The following BICC1 variants were observed in gnomAD, a reference collection of about 807,000 sequenced individuals.
The protein encoded by BICC1 is BicC family RNA binding protein 1, also known as protein bicaudal C homolog 1.
BICC1 carries 43 observed loss-of-function variants against 111.0 expected under a neutral mutation model. The ratio of observed to expected loss-of-function variants is 0.39; its 90% CI spans 0.30 to 0.50. BICC1 has a LOEUF of 0.50. Ranked by LOEUF, BICC1 falls within the 20% of genes least tolerant of loss-of-function variation. BICC1 has a pLI of 0.88. For synonymous variants in BICC1, 467 were observed against 434.4 expected, an observed-to-expected ratio of 1.07 and a Z score of -0.93; for missense variants, 1,091 against 1,203.2, an observed-to-expected ratio of 0.91 and a Z score of 1.38.
At chr10:58,638,502 A>G (rs545948313) in intron 2 of BICC1, among the ~76,000 whole-genome samples, 3 of 152,172 alleles carry the variant, frequency 2.0e-5, no homozygotes, top group South Asian at 4.2e-4. Flanking sequence ...CCTTTCCCCA[A>G]CGCCTCTCCC....
intron 2 of BICC1, among the ~76,000 whole-genome samples, chr10:58,632,505 A>ATT (rs1224920221): frequency 1.4e-5 from 2 of 146,732 alleles, no homozygotes; most frequent in African/African-American, 5.0e-5. Context: ...GGAGGGAGTG[A>ATT]TTTTTTTTTT....
At chr10:58,797,860 A>G (rs948176235) in intron 10 of BICC1, among the ~76,000 whole-genome samples, 28 of 152,170 alleles carry the variant, frequency 1.8e-4, no homozygotes, top group African/African-American at 6.8e-4. Flanking sequence ...GGAAATTTTC[A>G]TCATTGAGAT....
intron 3 of BICC1, among the ~76,000 whole-genome samples, chr10:58,716,685 A>G (rs1447555463): frequency 1.3e-5 from 2 of 151,894 alleles, no homozygotes; most frequent in Non-Finnish European, 2.9e-5. Context: ...GAGGGATTAC[A>G]TTAATATTTC....
intron 2 of BICC1, among the ~76,000 whole-genome samples, chr10:58,694,198 C>A (rs1413221202): frequency 6.6e-6 from 1 of 152,150 alleles, no homozygotes; most frequent in Admixed American, 6.6e-5. Flanking sequence ...TTCCTTGCTG[C>A]ACTTTCACCT....
intron 3 of BICC1, among the ~76,000 whole-genome samples, chr10:58,780,985 G>C (rs990467594): frequency 6.6e-6 from 1 of 151,960 alleles, no homozygotes; most frequent in African/African-American, 2.4e-5. Flanking sequence ...TTAAAAAGGG[G>C]CATTTTTTTC....
At chr10:58,653,057 T>G (rs542646613) in intron 2 of BICC1, among the ~76,000 whole-genome samples, 14 of 152,272 alleles carry the variant, frequency 9.2e-5, no homozygotes, top group African/African-American at 3.4e-4. Flanking sequence ...AACAAATTAG[T>G]ACAAAGTTAT....
chr10:58,535,545 A>G (rs958868388), intron 1 of BICC1, among the ~76,000 whole-genome samples: 2 of 151,756 alleles, frequency 1.3e-5, no homozygotes, highest in African/African-American at 2.4e-5. Flanking sequence ...GAATTTGTCA[A>G]TACTAGACCA....
chr10:58,688,870 G>C (rs1393665979), intron 2 of BICC1, among the ~76,000 whole-genome samples: 1 of 152,016 alleles, frequency 6.6e-6, no homozygotes, highest in African/African-American at 2.4e-5. Context: ...CACACACTGG[G>C]GCCTGTTGGG....
chr10:58,713,430 C>A (rs1216711683), intron 3 of BICC1, among the ~76,000 whole-genome samples: 1 of 152,108 alleles, frequency 6.6e-6, no homozygotes, highest in Non-Finnish European at 1.5e-5. Context: ...TAATAGATGC[C>A]TGTTGTAATC....
At chr10:58,570,120 C>T (rs770950300) in intron 1 of BICC1, among the ~76,000 whole-genome samples, 5 of 152,242 alleles carry the variant, frequency 3.3e-5, no homozygotes, top group African/African-American at 4.8e-5. Context: ...GATAAAACTT[C>T]GGGAACTATA....
chr10:58,662,931 T>C (rs1440613994), intron 2 of BICC1, among the ~76,000 whole-genome samples: 1 of 152,204 alleles, frequency 6.6e-6, no homozygotes, highest in African/African-American at 2.4e-5. Flanking sequence ...AATTCTTTTT[T>C]ATCCAGTGTC....
chr10:58,546,626 T>G (rs1649065), intron 1 of BICC1, among the ~76,000 whole-genome samples: 69,841 of 151,872 alleles, frequency 0.46, 17,121 homozygotes, highest in Admixed American at 0.62. Flanking sequence ...AGCTCTGGGA[T>G]CCTCTGTAGT....
intron 3 of BICC1, among the ~76,000 whole-genome samples, chr10:58,759,747 C>T (rs888563984): frequency 1.3e-5 from 2 of 151,966 alleles, no homozygotes; most frequent in African/African-American, 2.4e-5. Context: ...ATCACGAGGT[C>T]AGGAGATCGA....
chr10:58,828,676 C>G, intron 20 of BICC1, 85 bp from the exon 21 acceptor site: 3 of 1,421,982 alleles, frequency 2.1e-6, no homozygotes, highest in Non-Finnish European at 2.8e-6. Context: ...TACCACGTCA[C>G]CATTTTCTGA....
chr10:58,639,414 T>TG (rs1838051119), intron 2 of BICC1, among the ~76,000 whole-genome samples: 2 of 150,860 alleles, frequency 1.3e-5, no homozygotes, highest in Non-Finnish European at 3.0e-5. Context: ...TTTTTTTTTT[T>TG]GAGACAGAGT....
intron 17 of BICC1, among the ~76,000 whole-genome samples, chr10:58,812,608 G>T (rs1843947347): frequency 6.6e-6 from 1 of 151,638 alleles, no homozygotes; most frequent in South Asian, 2.1e-4. Flanking sequence ...CTCCTAAGTA[G>T]CTGGGATTAC....
intron 1 of BICC1, among the ~76,000 whole-genome samples, chr10:58,544,145 G>T (rs1023498792): frequency 2.6e-5 from 4 of 152,140 alleles, no homozygotes; most frequent in African/African-American, 9.7e-5. Context: ...CCTGAGTCCT[G>T]TGGTAACTGG....
At chr10:58,759,022 C>T (rs1842227752) in intron 3 of BICC1, among the ~76,000 whole-genome samples, 1 of 151,822 alleles carries the variant, frequency 6.6e-6, no homozygotes, top group African/African-American at 2.4e-5. Context: ...TGCAGTGGCA[C>T]AATCTCGGCT....
At chr10:58,632,267 C>G (rs1301757904) in intron 2 of BICC1, among the ~76,000 whole-genome samples, 1 of 152,166 alleles carries the variant, frequency 6.6e-6, no homozygotes, top group Non-Finnish European at 1.5e-5. Flanking sequence ...GGAAAAGATG[C>G]TTGTAAGATG....
Sources: gnomAD v4.1 joint callset for allele counts (sites outside exome capture counted in the v4.1 genomes callset) on GRCh38, gnomAD v4.1.1 for gene constraint, MANE v1.5 for transcripts, NCBI Gene and HGNC (gene_info 2026-07-23, HGNC 2026-07-21) for gene names.